Variants in SH3RF3 observed in about 807,000 individuals in gnomAD.
SH3RF3 encodes SH3 domain containing ring finger 3.
Under a neutral mutation model 66.3 loss-of-function variants are expected in SH3RF3, and 29 were observed. That is an observed-to-expected ratio of 0.44 (90% CI 0.33 to 0.60). The LOEUF is 0.60. Ranked by LOEUF, SH3RF3 falls within the 20% of genes least tolerant of loss-of-function variation. The probability of loss-of-function intolerance (pLI) is 0.04; values close to 1 mark genes in which losing one functional copy is unlikely to be tolerated. For missense variants in SH3RF3, 1,194 were observed against 1,190.9 expected (o/e 1.00, Z -0.04); for synonymous variants, 583 against 532.0 (o/e 1.10, Z -1.32).
At chr2:109,176,654 T>C (rs1677923347) in intron 1 of SH3RF3, among the ~76,000 whole-genome samples, 1 of 152,166 alleles carries the variant, frequency 6.6e-6, no homozygotes, top group Non-Finnish European at 1.5e-5. Flanking sequence ...GGAGAATCGC[T>C]TGAACCTGGG....
At chr2:109,399,108 CT>C (rs1423593985) in intron 4 of SH3RF3, among the ~76,000 whole-genome samples, 165 bp downstream of exon 4, 3 of 152,108 alleles carry the variant, frequency 2.0e-5, no homozygotes, top group African/African-American at 7.2e-5. Context: ...TGGGGCCCCC[CT>C]AGAAGCGTGG....
chr2:109,290,366 G>A (rs568999103), intron 1 of SH3RF3, among the ~76,000 whole-genome samples: 20 of 152,316 alleles, frequency 1.3e-4, no homozygotes, highest in East Asian at 9.7e-4. Flanking sequence ...AAATTAGTGT[G>A]ATCAGGGATG....
At chr2:109,221,537 G>A (rs894838562) in intron 1 of SH3RF3, among the ~76,000 whole-genome samples, 3 of 148,628 alleles carry the variant, frequency 2.0e-5, no homozygotes, top group African/African-American at 5.0e-5. Context: ...AGCCGCGATC[G>A]CGCCAGTGCA....
At chr2:109,472,113 TATTA>T (rs1210682005) in intron 8 of SH3RF3, among the ~76,000 whole-genome samples, 1 of 152,160 alleles carries the variant, frequency 6.6e-6, no homozygotes, top group Non-Finnish European at 1.5e-5. Flanking sequence ...TGTTAATTAT[TATTA>T]ATTAGTTAAT....
intron 1 of SH3RF3, among the ~76,000 whole-genome samples, chr2:109,191,622 A>G (rs1437176695): frequency 6.6e-6 from 1 of 152,150 alleles, no homozygotes; most frequent in Non-Finnish European, 1.5e-5. Context: ...AGAAAGTGGA[A>G]TTGCAGCAAG....
At chr2:109,390,247 A>G (rs1675949505) in intron 3 of SH3RF3, among the ~76,000 whole-genome samples, 1 of 152,084 alleles carries the variant, frequency 6.6e-6, no homozygotes. Context: ...CCCATAAACT[A>G]CCAGTTTATC....
chr2:109,325,779 G>C (rs1682139857), intron 1 of SH3RF3, among the ~76,000 whole-genome samples: 2 of 152,218 alleles, frequency 1.3e-5, no homozygotes, highest in Non-Finnish European at 2.9e-5. Flanking sequence ...TAGGGGTTCA[G>C]GTGCCTGCTG....
intron 1 of SH3RF3, among the ~76,000 whole-genome samples, chr2:109,219,135 C>T (rs927143198): frequency 5.3e-5 from 8 of 152,212 alleles, no homozygotes; most frequent in Non-Finnish European, 1.0e-4. Flanking sequence ...TTCCACCTCT[C>T]TCGCTCACAC....
intron 1 of SH3RF3, among the ~76,000 whole-genome samples, chr2:109,221,215 C>T (rs1235816885): frequency 6.6e-6 from 1 of 152,198 alleles, no homozygotes; most frequent in Non-Finnish European, 1.5e-5. Context: ...TCCTAGTCAG[C>T]CTCTCTTAAT....
At chr2:109,321,022 G>T (rs1682013540) in intron 1 of SH3RF3, among the ~76,000 whole-genome samples, 1 of 152,154 alleles carries the variant, frequency 6.6e-6, no homozygotes, top group Non-Finnish European at 1.5e-5. Flanking sequence ...TGTTCCATGG[G>T]AGCTCAAAAA....
intron 7 of SH3RF3, among the ~76,000 whole-genome samples, chr2:109,446,965 T>C (rs1677722901): frequency 6.6e-6 from 1 of 151,550 alleles, no homozygotes; most frequent in African/African-American, 2.4e-5. Context: ...GTCAGACAGC[T>C]GAGGGGAGAG....
chr2:109,218,699 C>G (rs1464416092), intron 1 of SH3RF3, among the ~76,000 whole-genome samples: 1 of 152,170 alleles, frequency 6.6e-6, no homozygotes, highest in Non-Finnish European at 1.5e-5. Context: ...TTTTCTTGCC[C>G]TTTCATCATG....
At chr2:109,248,346 A>G (rs963754287) in intron 1 of SH3RF3, among the ~76,000 whole-genome samples, 1 of 151,972 alleles carries the variant, frequency 6.6e-6, no homozygotes, top group Non-Finnish European at 1.5e-5. Flanking sequence ...TATTCTTCTT[A>G]TTGTTTCCTG....
At chr2:109,354,801 G>T (rs934150872) in intron 2 of SH3RF3, among the ~76,000 whole-genome samples, 1 of 152,260 alleles carries the variant, frequency 6.6e-6, no homozygotes, top group Non-Finnish European at 1.5e-5. Context: ...CCAGGTGGAA[G>T]TGAAAACACA....
chr2:109,493,097 C>T lies in SH3RF3; in HGVS notation c.2480+2161C>T, dbSNP rs971081722. Among the ~76,000 whole-genome samples the T allele has an allele frequency of 7.8e-4, 118 of 150,884 alleles. 1 individual carries two copies. Among genetic ancestry groups the T allele is most frequent in the Non-Finnish European group, 1.4e-3 (93 of 67,676 alleles). ...CACATACACCATACATACAAACATACACATACACCACAGATACATCATATA... is the reference window on the plus strand; with the variant it reads ...CACATACACCATACATACAAACATATACATACACCACAGATACATCATATA... On this transcript the variant is annotated intron_variant, in intron 9 of 9. Transcript: ENST00000309415.
chr2:109,159,022 C>T (rs1256162647), intron 1 of SH3RF3, among the ~76,000 whole-genome samples: 1 of 152,186 alleles, frequency 6.6e-6, no homozygotes, highest in African/African-American at 2.4e-5. Context: ...GAGGCTGAGG[C>T]AGGAGAATTG....
chr2:109,143,485 G>A (rs995322379), intron 1 of SH3RF3, among the ~76,000 whole-genome samples: 2 of 152,136 alleles, frequency 1.3e-5, no homozygotes, highest in Non-Finnish European at 2.9e-5. Context: ...GCTCATGCCT[G>A]TAATCTCAGA....
rs148392360 is a variant in SH3RF3, at chr2:109,350,650, T to C, written c.849+2701T>C. 2.0e-3 allele frequency among the ~76,000 whole-genome samples: 312 copies of C among 152,322 alleles called. 3 individuals are homozygous for C. Among genetic ancestry groups the C allele is most frequent in the African/African-American group, 7.1e-3 (294 of 41,572 alleles). The stretch of plus-strand genomic sequence containing the variant: ...CAACTCCATGTGACTCTCCGCTCAG[T>C]TCCTGTTTTCCCCCACGGTGGGTCC... On this transcript the variant is annotated intron_variant, in intron 2 of 9. Coordinates refer to ENST00000309415, the MANE Select transcript of SH3RF3 (RefSeq NM_001099289.3).
At chr2:109,251,519 C>T (rs1050980498) in intron 1 of SH3RF3, 2 of 745,184 alleles carry the variant, frequency 2.7e-6, no homozygotes, top group African/African-American at 1.7e-5. Flanking sequence ...ATATTGTGGT[C>T]ATTTGGTCCC....
Sources: gnomAD v4.1 joint callset for allele counts (sites outside exome capture counted in the v4.1 genomes callset) on GRCh38, gnomAD v4.1.1 for gene constraint, MANE v1.5 for transcripts, NCBI Gene and HGNC (gene_info 2026-07-23, HGNC 2026-07-21) for gene names.